The following CPA6 variants were observed in gnomAD, a reference collection of about 807,000 sequenced individuals.
CPA6 encodes the protein carboxypeptidase A6.
In CPA6, 58 loss-of-function variants were observed where a neutral mutation model predicts 63.3. The observed-to-expected ratio is 0.92, with a 90% CI of 0.74 to 1.14. CPA6 has a LOEUF of 1.14. Ranked by LOEUF, CPA6 falls within the 50% of genes most tolerant of loss-of-function variation. The pLI is 0.00. For missense variants in CPA6, 565 were observed against 526.6 expected, an observed-to-expected ratio of 1.07 and a Z score of -0.71; for synonymous variants, 185 against 179.0, an observed-to-expected ratio of 1.03 and a Z score of -0.27.
intron 3 of CPA6, among the ~76,000 whole-genome samples, chr8:67,516,981 G>A (rs1812158246): frequency 6.6e-6 from 1 of 152,020 alleles, no homozygotes; most frequent in Admixed American, 6.6e-5. Flanking sequence ...ATTTTTAGTA[G>A]AGACAGGGTT....
intron 2 of CPA6, among the ~76,000 whole-genome samples, chr8:67,585,196 T>C (rs1271169369): frequency 6.6e-6 from 1 of 152,324 alleles, no homozygotes; most frequent in Non-Finnish European, 1.5e-5. Context: ...TGGATCATCA[T>C]TCAATGTCAG....
chr8:67,718,821 A>G (rs1817434980), intron 1 of CPA6, among the ~76,000 whole-genome samples: 1 of 151,856 alleles, frequency 6.6e-6, no homozygotes, highest in African/African-American at 2.4e-5. Flanking sequence ...TAATTTTTGT[A>G]TTTTTAGTAG....
intron 6 of CPA6, among the ~76,000 whole-genome samples, chr8:67,503,695 T>A (rs1359309672): frequency 6.6e-6 from 1 of 152,128 alleles, no homozygotes; most frequent in Non-Finnish European, 1.5e-5. Flanking sequence ...ATTTTATTGT[T>A]TATTATATGC....
intron 2 of CPA6, among the ~76,000 whole-genome samples, chr8:67,523,108 T>C (rs1812293421): frequency 6.6e-6 from 1 of 152,238 alleles, no homozygotes; most frequent in South Asian, 2.1e-4. Context: ...TGTAGGCTGT[T>C]TTACTGCAGG....
chr8:67,567,881 G>A (rs556335480), intron 2 of CPA6, among the ~76,000 whole-genome samples: 7 of 152,072 alleles, frequency 4.6e-5, no homozygotes, highest in Non-Finnish European at 1.0e-4. Flanking sequence ...CTTACCTCAC[G>A]GGGACTGAGG....
At chr8:67,475,817 C>CTTTCTTTCTTTCCTTT (rs1554666491) in intron 8 of CPA6, among the ~76,000 whole-genome samples, 2 of 31,510 alleles carry the variant, frequency 6.3e-5, no homozygotes, top group African/African-American at 1.5e-4. Flanking sequence ...TTCTTTCTTT[C>CTTTCTTTCTTTCCTTT]CTTTCTTTTC....
At chr8:67,428,911 C>T (rs1419364170) in intron 9 of CPA6, among the ~76,000 whole-genome samples, 1 of 152,202 alleles carries the variant, frequency 6.6e-6, no homozygotes, top group Non-Finnish European at 1.5e-5. Context: ...ATATTTCTTA[C>T]ATGAATGTTG....
intron 2 of CPA6, among the ~76,000 whole-genome samples, chr8:67,582,127 A>G (rs1813789620): frequency 6.6e-6 from 1 of 152,198 alleles, no homozygotes; most frequent in East Asian, 1.9e-4. Flanking sequence ...TGTAGAAATA[A>G]AAGGTGAACA....
intron 8 of CPA6, among the ~76,000 whole-genome samples, chr8:67,444,455 T>G (rs949526084): frequency 3.3e-5 from 5 of 151,924 alleles, no homozygotes; most frequent in African/African-American, 1.2e-4. Flanking sequence ...AATACTAGGC[T>G]AGAGAAAAAG....
At chr8:67,724,363 G>A (rs1817557646) in intron 1 of CPA6, among the ~76,000 whole-genome samples, 1 of 152,114 alleles carries the variant, frequency 6.6e-6, no homozygotes, top group Non-Finnish European at 1.5e-5. Context: ...TCCTTTTGAC[G>A]TGTGCCCCCA....
At chr8:67,656,670 C>T (rs1322665109) in intron 1 of CPA6, among the ~76,000 whole-genome samples, 1 of 152,178 alleles carries the variant, frequency 6.6e-6, no homozygotes, top group Admixed American at 6.5e-5. Flanking sequence ...TGTAAACTCA[C>T]CTCTGTAAGA....
intron 8 of CPA6, among the ~76,000 whole-genome samples, chr8:67,467,908 A>AAT (rs1421404270): frequency 1.5e-5 from 2 of 132,210 alleles, no homozygotes; most frequent in African/African-American, 5.6e-5. Flanking sequence ...AAAAAAAAAA[A>AAT]TTAGCCAGGT....
intron 1 of CPA6, among the ~76,000 whole-genome samples, chr8:67,648,830 G>A (rs189804671): frequency 1.3e-5 from 2 of 152,288 alleles, no homozygotes; most frequent in East Asian, 3.9e-4. Flanking sequence ...AGAGTTGGTT[G>A]AAATGACTGT....
intron 1 of CPA6, among the ~76,000 whole-genome samples, chr8:67,662,388 T>A (rs770460964): frequency 2.0e-5 from 2 of 97,834 alleles, no homozygotes; most frequent in Non-Finnish European, 3.8e-5. Context: ...AAATGAGAAA[T>A]GAGACTACAT....
At chr8:67,494,228 A>G (rs1811664040) in intron 6 of CPA6, among the ~76,000 whole-genome samples, 1 of 152,086 alleles carries the variant, frequency 6.6e-6, no homozygotes. Context: ...ACATAGCAAC[A>G]TGTCATGAAG....
At chr8:67,545,255 C>T (rs1812790443) in intron 2 of CPA6, among the ~76,000 whole-genome samples, 1 of 152,088 alleles carries the variant, frequency 6.6e-6, no homozygotes, top group South Asian at 2.1e-4. Context: ...ATCCAGAATA[C>T]AGCTCATTAA....
intron 1 of CPA6, among the ~76,000 whole-genome samples, chr8:67,698,883 T>A (rs1264172361): frequency 6.6e-6 from 1 of 152,152 alleles, no homozygotes; most frequent in Non-Finnish European, 1.5e-5. Flanking sequence ...CTGAGTCTAG[T>A]TCCATCTTGT....
intron 1 of CPA6, among the ~76,000 whole-genome samples, chr8:67,650,532 C>G (rs1275074780): frequency 6.6e-6 from 1 of 152,150 alleles, no homozygotes; most frequent in Non-Finnish European, 1.5e-5. Flanking sequence ...TTGAACTTCA[C>G]TCTACTTGGA....
At chr8:67,676,215 C>T (rs1029784625) in intron 1 of CPA6, among the ~76,000 whole-genome samples, 3 of 152,156 alleles carry the variant, frequency 2.0e-5, no homozygotes, top group Non-Finnish European at 4.4e-5. Flanking sequence ...TTTATCTGCA[C>T]AGATAAGGAT....
Sources: gnomAD v4.1 joint callset for allele counts (sites outside exome capture counted in the v4.1 genomes callset) on GRCh38, gnomAD v4.1.1 for gene constraint, MANE v1.5 for transcripts, NCBI Gene and HGNC (gene_info 2026-07-23, HGNC 2026-07-21) for gene names.